USP50: variants seen among roughly 807,000 people sequenced by gnomAD.
The protein encoded by USP50 is ubiquitin specific peptidase 50.
In USP50, 37 loss-of-function variants were observed where a neutral mutation model predicts 39.2. That is an observed-to-expected ratio of 0.94 (90% CI 0.73 to 1.24). The LOEUF (loss-of-function observed/expected upper bound fraction) is 1.24, where lower values mean the gene tolerates loss of function less well. Ranked by LOEUF, USP50 falls within the 50% of genes most tolerant of loss-of-function variation. USP50 has a pLI of 0.00. For missense variants in USP50, 374 were observed against 398.2 expected (o/e 0.94, Z 0.52); for synonymous variants, 139 against 144.5 (o/e 0.96, Z 0.27).
At chr15:50,545,961 C>T (rs2141383753) in intron 1 of USP50, among the ~76,000 whole-genome samples, 1 of 150,712 alleles carries the variant, frequency 6.6e-6, no homozygotes, top group East Asian at 1.9e-4. Context: ...GATGTCCTTC[C>T]CAGTAAGCTA....
rs188746203 is a variant in USP50, at chr15:50,500,597, A to T, written c.*172T>A. On this transcript the variant is annotated 3_prime_UTR_variant, in exon 7 of 7. Transcript: ENST00000532404. ...GAGTTTAATGACCAAGCAAAACTCT[A>T]CCACCAGATGCTGACTGCTTGTTTT... 5.2e-6 allele frequency: 3 copies of T among 573,570 alleles called. No individual in the cohort carries two copies. The highest frequency in any genetic ancestry group is 9.3e-6 in the Non-Finnish European group (3 of 323,632). 35.5% of individuals were successfully genotyped at this position (573,570 alleles called of 1,614,324 possible). A position where few individuals can be genotyped will look rare whatever the true frequency, so the allele number is the denominator to read the frequency against.
downstream of USP50, among the ~76,000 whole-genome samples, chr15:50,495,669 A>AG (rs1300221198): frequency 6.6e-6 from 1 of 152,080 alleles, no homozygotes; most frequent in Non-Finnish European, 1.5e-5. Flanking sequence ...AAAGTGAGTG[A>AG]GTTTTTTTTG....
At chr15:50,496,837 G>C (rs995756638), downstream of USP50, 1 of 323,008 alleles carries the variant, frequency 3.1e-6, no homozygotes, top group Non-Finnish European at 5.6e-6. Flanking sequence ...GGGTTTCTCT[G>C]ATTGACCAGG....
downstream of USP50, chr15:50,499,551 C>T (rs908731311): frequency 1.3e-5 from 2 of 152,146 alleles, no homozygotes; most frequent in Non-Finnish European, 2.9e-5. Flanking sequence ...ACACGTGGTC[C>T]TTTTGTGAAA....
At chr15:50,528,857 G>A (rs1459861194) in intron 6 of USP50, among the ~76,000 whole-genome samples, 1 of 152,180 alleles carries the variant, frequency 6.6e-6, no homozygotes, top group African/African-American at 2.4e-5. Flanking sequence ...GGACTCTGGT[G>A]AATCCTACTG....
chr15:50,539,941 G>C (rs1366616920), intron 4 of USP50, among the ~76,000 whole-genome samples: 1 of 152,166 alleles, frequency 6.6e-6, no homozygotes, highest in Non-Finnish European at 1.5e-5. Context: ...CGCAGATTTT[G>C]TTTGCAGAGG....
chr15:50,533,811 T>C (rs1254275139), intron 5 of USP50, among the ~76,000 whole-genome samples: 3 of 152,000 alleles, frequency 2.0e-5, no homozygotes, highest in Non-Finnish European at 4.4e-5. Context: ...AACCACCCTG[T>C]TCAACATGGT....
chr15:50,529,275 C>G (rs2052921683), intron 6 of USP50, among the ~76,000 whole-genome samples: 1 of 150,838 alleles, frequency 6.6e-6, no homozygotes, highest in African/African-American at 2.4e-5. Flanking sequence ...TTTAAGGGGC[C>G]AGGGTGGGAG....
downstream of USP50, chr15:50,495,745 A>G: frequency 1.1e-6 from 1 of 879,094 alleles, no homozygotes; most frequent in Non-Finnish European, 1.7e-6. Context: ...TGAGAACTAC[A>G]GGTGTTTCTA....
downstream of USP50, chr15:50,495,761 G>GTATTTACTTTT: frequency 9.4e-7 from 1 of 1,064,522 alleles, no homozygotes; most frequent in Admixed American, 2.6e-5. Context: ...TTCTAAATCT[G>GTATTTACTTTT]GCAAGTGTTT....
At chr15:50,498,967 G>T, downstream of USP50, 1 of 1,613,824 alleles carries the variant, frequency 6.2e-7, no homozygotes, top group Non-Finnish European at 8.5e-7. Context: ...GCAAGACAAC[G>T]GTGGTTTAAG....
chr15:50,528,228 G>C (rs2052914406), intron 6 of USP50, among the ~76,000 whole-genome samples: 1 of 141,212 alleles, frequency 7.1e-6, no homozygotes, highest in Non-Finnish European at 1.5e-5. Context: ...ATTTATAGGA[G>C]GTTTGGGGTG....
chr15:50,505,769 G>C (rs917252931), intron 6 of USP50: 1 of 152,314 alleles, frequency 6.6e-6, no homozygotes, highest in African/African-American at 2.4e-5. Context: ...GACCAGCCTG[G>C]GCAACATAGT....
At position 50,541,133 on chromosome 15, in the gene USP50, T is replaced by A; in HGVS notation, c.576A>T (p.Leu192Phe). ...EEQLNYSIVC[L>F]KCEKCTYKNE... ...TCTTGTAGGTGCATTTCTCACACTTTAAACATACGATGCTATAATTGAGCT... is the reference window on the plus strand; with the variant it reads ...TCTTGTAGGTGCATTTCTCACACTTAAAACATACGATGCTATAATTGAGCT... The change falls in exon 4 of 7, where the codon TTA becomes TTT. Residue 192 changes from leucine to phenylalanine, a missense_variant. Leu to Phe is a conservative substitution (Grantham distance 22, BLOSUM62 0). Transcript: ENST00000532404. 6.2e-7 allele frequency: 1 copy of A among 1,613,920 alleles called. No homozygotes were observed. The highest frequency in any genetic ancestry group is 8.5e-7 in the Non-Finnish European group (1 of 1,179,880).
intron 5 of USP50, among the ~76,000 whole-genome samples, chr15:50,534,453 C>A (rs552868594): frequency 6.6e-6 from 1 of 152,112 alleles, no homozygotes; most frequent in African/African-American, 2.4e-5. Flanking sequence ...AACAGGAACA[C>A]CAAGAACAAG....
At chr15:50,540,806 T>C (rs1430207643) in intron 4 of USP50, among the ~76,000 whole-genome samples, 1 of 152,126 alleles carries the variant, frequency 6.6e-6, no homozygotes, top group Non-Finnish European at 1.5e-5. Context: ...GTATTTTTAG[T>C]AGAGACAGGG....
chr15:50,518,225 TTG>T (rs1240307659), intron 6 of USP50, among the ~76,000 whole-genome samples: 4 of 110,392 alleles, frequency 3.6e-5, no homozygotes, highest in South Asian at 6.1e-4. Flanking sequence ...TTTTCTTTTT[TTG>T]TTTTTTTTTT....
chr15:50,514,882 A>C (rs904368511), intron 6 of USP50, among the ~76,000 whole-genome samples: 3 of 151,212 alleles, frequency 2.0e-5, no homozygotes, highest in Admixed American at 2.0e-4. Context: ...TGTCGTCCCA[A>C]CCACTCAGGA....
intron 6 of USP50, among the ~76,000 whole-genome samples, chr15:50,528,990 T>TGG (rs1363113983): frequency 6.6e-6 from 1 of 152,172 alleles, no homozygotes; most frequent in Non-Finnish European, 1.5e-5. Flanking sequence ...ACCCACAGAA[T>TGG]GGCTTGCTAC....
Sources: gnomAD v4.1 joint callset for allele counts (sites outside exome capture counted in the v4.1 genomes callset) on GRCh38, gnomAD v4.1.1 for gene constraint, MANE v1.5 for transcripts, NCBI Gene and HGNC (gene_info 2026-07-23, HGNC 2026-07-21) for gene names.